The following POLE4 variants were observed in gnomAD, a reference collection of about 807,000 sequenced individuals.
The protein encoded by POLE4 is DNA polymerase epsilon 4, accessory subunit.
In POLE4, 15 loss-of-function variants were observed where a neutral mutation model predicts 15.6. That is an observed-to-expected ratio of 0.96 (90% CI 0.64 to 1.48). POLE4 has a LOEUF of 1.48. Ranked by LOEUF, POLE4 falls within the 40% of genes most tolerant of loss-of-function variation. POLE4 has a pLI of 0.00. For synonymous variants in POLE4, 83 were observed against 63.2 expected, an observed-to-expected ratio of 1.31 and a Z score of -1.49; for missense variants, 205 against 151.9, an observed-to-expected ratio of 1.35 and a Z score of -1.84.
intron 2 of POLE4, 134 bp from the exon 3 acceptor site, chr2:74,959,971 G>A: frequency 2.9e-6 from 2 of 701,554 alleles, no homozygotes; most frequent in East Asian, 4.9e-5. Context: ...TGGATCTCAA[G>A]GCAGCAAGGG....
chr2:74,964,558 T>C (rs1671270217), intron 3 of POLE4, among the ~76,000 whole-genome samples: 1 of 152,132 alleles, frequency 6.6e-6, no homozygotes, highest in African/African-American at 2.4e-5. Context: ...GTACTTAATA[T>C]TTTTGATGAT....
chr2:74,964,628 A>G (rs1319963093), intron 3 of POLE4, among the ~76,000 whole-genome samples: 2 of 152,142 alleles, frequency 1.3e-5, no homozygotes. Context: ...GTTTTTAGAA[A>G]TATAATTGAT....
intron 3 of POLE4, among the ~76,000 whole-genome samples, chr2:74,964,521 T>C (rs1047216625): frequency 6.6e-6 from 1 of 152,156 alleles, no homozygotes; most frequent in Non-Finnish European, 1.5e-5. Flanking sequence ...GAAATCTTGA[T>C]GTATTTTGTT....
At chr2:74,961,112 G>C (rs559530140) in intron 3 of POLE4, 1 of 152,746 alleles carries the variant, frequency 6.5e-6, no homozygotes, top group African/African-American at 2.4e-5. Context: ...CCTTGTTGTT[G>C]AGCGACACAT....
Position 74,961,841 on chromosome 2 carries a change from C to T in POLE4, c.340+1695C>T, listed in dbSNP as rs78177718. 3.6e-3 allele frequency among the ~76,000 whole-genome samples: 542 copies of T among 152,272 alleles called. 1 individual carries two copies. Among genetic ancestry groups the T allele is most frequent in the African/African-American group, 0.013 (528 of 41,538 alleles). ...CCATCATAGCCCCTGTGGATTCAGT[C>T]TGCATTATATTATTTTTTACTGGGT... On this transcript the variant is annotated intron_variant, in intron 3 of 3. Transcript: ENST00000483063.
chr2:74,959,805 G>C lies in POLE4; in HGVS notation c.299-300G>C, dbSNP rs890411480. 1.7e-5 allele frequency: 8 copies of C among 458,532 alleles called. No homozygotes were observed. In the East Asian group the frequency reaches 2.8e-4, roughly 16 times the overall value. The allele number at this position is 458,532 out of a possible 1,614,324, so 28.4% of individuals were successfully genotyped here. A position where few individuals can be genotyped will look rare whatever the true frequency, so the allele number is the denominator to read the frequency against. On this transcript the variant is annotated intron_variant, in intron 2 of 3. Transcript: ENST00000483063. ...TCATGCGCCCTGCGTCTATTGCCAC[G>C]TTCTTCTCTGACAACTTTAAGAGCA... is the stretch of plus-strand genomic sequence containing the variant.
At position 74,959,418 on chromosome 2, in the gene POLE4, A is replaced by G; in HGVS notation, c.291A>G (p.Arg97=). 6.2e-7 allele frequency: 1 copy of G among 1,606,810 alleles called. No individual in the cohort carries two copies. The highest frequency in any genetic ancestry group is 8.5e-7 in the Non-Finnish European group (1 of 1,173,506). The change falls in exon 2 of 4, where the codon AGA becomes AGG. Residue 97 remains arginine, a synonymous_variant. Coordinates refer to ENST00000483063, the MANE Select transcript of POLE4 (RefSeq NM_019896.4). ...GAAAAAGGAAAACCCTTCAGAGGAG[A>G]GACTTGGGTAGAGTGGCACTGCAGT... ...QQGKRKTLQR[R]DLDNAIEAVD...
rs1671158837 is a variant in POLE4, at chr2:74,958,660, G to A, written c.-20G>A. The A allele has an allele frequency of 2.1e-6, 3 of 1,405,012 alleles. No individual in the cohort carries two copies. 87.0% of individuals were successfully genotyped at this position (1,405,012 alleles called of 1,614,324 possible). A position where few individuals can be genotyped will look rare whatever the true frequency, so the allele number is the denominator to read the frequency against. ...GCGCGCGCACAGTCGGCGGCCGCGCGCAGCACGCTCAAGGCCGGGATGGCG... is the reference window on the plus strand; with the variant it reads ...GCGCGCGCACAGTCGGCGGCCGCGCACAGCACGCTCAAGGCCGGGATGGCG... On this transcript the variant is annotated 5_prime_UTR_variant, in exon 1 of 4. Coordinates refer to ENST00000483063, the MANE Select transcript of POLE4 (RefSeq NM_019896.4).
intron 3 of POLE4, among the ~76,000 whole-genome samples, chr2:74,966,103 TC>T (rs905715046): frequency 3.3e-5 from 5 of 152,186 alleles, no homozygotes; most frequent in African/African-American, 1.2e-4. Context: ...TTGATTTTTT[TC>T]CCTCTATCAG....
At chr2:74,959,833 G>A in intron 2 of POLE4, 1 of 484,002 alleles carries the variant, frequency 2.1e-6, no homozygotes, top group South Asian at 3.7e-5. Context: ...TAAGAGCAAA[G>A]CGAATAAATA....
At chr2:74,960,527 TCAACAA>T in intron 3 of POLE4, 1 of 481,322 alleles carries the variant, frequency 2.1e-6, no homozygotes, top group Admixed American at 2.3e-5. Flanking sequence ...TCTTTTTTCT[TCAACAA>T]TCTGTGTGAA....
At chr2:74,960,289 C>G (rs1398710887) in intron 3 of POLE4, 143 bp downstream of exon 3, 1 of 713,810 alleles carries the variant, frequency 1.4e-6, no homozygotes, top group Non-Finnish European at 2.5e-6. Flanking sequence ...AAAAAAGTAA[C>G]TTGCTAAACC....
intron 3 of POLE4, among the ~76,000 whole-genome samples, chr2:74,965,616 T>G (rs1671284227): frequency 6.6e-6 from 1 of 152,240 alleles, no homozygotes; most frequent in South Asian, 2.1e-4. Context: ...CTGCTATGAT[T>G]ATGGACTATT....
At chr2:74,969,231 C>A (rs79220274) in intron 3 of POLE4, among the ~76,000 whole-genome samples, 178 bp from the exon 4 acceptor site, 2,613 of 152,336 alleles carry the variant, frequency 0.017, 57 homozygotes, top group South Asian at 0.052. Flanking sequence ...TGCCCACCAT[C>A]TGTAATGACA....
chr2:74,969,356 C>T, intron 3 of POLE4, 53 bp from the exon 4 acceptor site: 1 of 1,571,936 alleles, frequency 6.4e-7, no homozygotes, highest in Non-Finnish European at 8.8e-7. Flanking sequence ...GCTTGTTACA[C>T]TAATCCAGCT....
At chr2:74,968,484 G>C (rs928729376) in intron 3 of POLE4, among the ~76,000 whole-genome samples, 2 of 152,002 alleles carry the variant, frequency 1.3e-5, no homozygotes, top group African/African-American at 4.8e-5. Flanking sequence ...GGTGAACAGG[G>C]GTGGGACCAG....
rs552059086 is a variant in POLE4 at position 74,958,897 on chromosome 2, G to A, written c.213+5G>A. 18 of 1,552,158 alleles carry A rather than the reference G, an allele frequency of 1.2e-5. No individual in the cohort carries two copies. The East Asian group carries it at 2.0e-4, about 17-fold the overall frequency. On this transcript the variant is annotated splice_donor_5th_base_variant and intron_variant, in intron 1 of 3. Transcript: ENST00000483063. ...TTCATTCTGGCACGAGCCGCGGTGC[G>A]CCTGCAGCGCGAGGGCATGCGGGAG...
At chr2:74,960,440 C>T (rs1433462618) in intron 3 of POLE4, 6 of 487,670 alleles carry the variant, frequency 1.2e-5, no homozygotes, top group Admixed American at 3.2e-5. Flanking sequence ...ATCGCCATCC[C>T]TAAATGTCAG....
At chr2:74,959,311 T>C (rs767824709) in intron 1 of POLE4, 30 bp from the exon 2 acceptor site, 11 of 1,471,322 alleles carry the variant, frequency 7.5e-6, no homozygotes, top group Admixed American at 1.7e-5. Context: ...TTAGAACCCA[T>C]TACTAAAACT....
Sources: gnomAD v4.1 joint callset for allele counts (sites outside exome capture counted in the v4.1 genomes callset) on GRCh38, gnomAD v4.1.1 for gene constraint, MANE v1.5 for transcripts, NCBI Gene and HGNC (gene_info 2026-07-23, HGNC 2026-07-21) for gene names.